SUGCT: variants seen among roughly 807,000 people sequenced by gnomAD.
SUGCT encodes succinyl-CoA:glutarate-CoA transferase.
Under a neutral mutation model 55.0 loss-of-function variants are expected in SUGCT, and 41 were observed. The ratio of observed to expected loss-of-function variants is 0.74; its 90% CI spans 0.58 to 0.97. The LOEUF (loss-of-function observed/expected upper bound fraction) is 0.97, where lower values mean the gene tolerates loss of function less well. SUGCT is among the 50% of genes least tolerant of loss of function. SUGCT has a pLI of 0.00. For synonymous variants in SUGCT, 187 were observed against 200.4 expected (o/e 0.93, Z 0.56); for missense variants, 568 against 547.8 (o/e 1.04, Z -0.37).
At chr7:40,941,765 T>C in the SUGCT span, among the ~76,000 whole-genome samples, 9 of 152,134 alleles carry the variant, frequency 5.9e-5, no homozygotes, top group Admixed American at 5.9e-4. Flanking sequence ...TAGGTGGGTA[T>C]ATATTTAGGA....
intron 11 of SUGCT, among the ~76,000 whole-genome samples, chr7:40,489,752 T>A (rs1266157950): frequency 6.6e-6 from 1 of 151,898 alleles, no homozygotes; most frequent in Non-Finnish European, 1.5e-5. Flanking sequence ...ACACACAAAC[T>A]GCTATTTTGA....
intron 9 of SUGCT, among the ~76,000 whole-genome samples, chr7:40,356,464 A>T (rs984987077): frequency 6.6e-5 from 10 of 152,196 alleles, no homozygotes; most frequent in African/African-American, 2.4e-4. Context: ...CAGGCATGGA[A>T]GTGCTGTGTA....
At chr7:40,195,143 C>CTTT in intron 6 of SUGCT, 83 bp downstream of exon 6, 4 of 1,083,878 alleles carry the variant, frequency 3.7e-6, no homozygotes, top group Non-Finnish European at 3.6e-6. Context: ...CTTTTGCTGG[C>CTTT]TTTTTTTTTT....
chr7:40,750,631 GACC>G (rs764788578), intron 13 of SUGCT, among the ~76,000 whole-genome samples: 1 of 152,112 alleles, frequency 6.6e-6, no homozygotes, highest in Admixed American at 6.6e-5. Context: ...ACCAGATAGT[GACC>G]ACTCGCGCAT....
intron 12 of SUGCT, among the ~76,000 whole-genome samples, chr7:40,500,773 AT>A (rs1212613279): frequency 6.6e-6 from 1 of 152,058 alleles, no homozygotes; most frequent in African/African-American, 2.4e-5. Flanking sequence ...TGAGCATCTT[AT>A]TTTTTAAAAA....
chr7:40,258,962 A>G (rs1210292576), intron 7 of SUGCT, among the ~76,000 whole-genome samples: 6 of 152,344 alleles, frequency 3.9e-5, no homozygotes, highest in East Asian at 3.9e-4. Flanking sequence ...TATATACGTA[A>G]TGGAATACTA....
chr7:40,200,208 T>C (rs1177502309), intron 6 of SUGCT, among the ~76,000 whole-genome samples: 1 of 152,230 alleles, frequency 6.6e-6, no homozygotes, highest in Non-Finnish European at 1.5e-5. Flanking sequence ...CTTCTGTATA[T>C]TCCTGGCTGT....
rs757432384 is a variant in SUGCT, at chr7:40,274,626, G to C, written c.690G>C (p.Leu230=). The change falls in exon 8 of 14, where the codon CTG becomes CTC. Residue 230 remains leucine, a synonymous_variant. Coordinates refer to ENST00000335693, the MANE Select transcript of SUGCT (RefSeq NM_001193313.2). Reference sequence around the variant, plus strand: ...AAAAATACAAAACTGGGAAAGGACTGTTCATTGATTGTAACCTACTGTCAT... The same window carrying C: ...AAAAATACAAAACTGGGAAAGGACTCTTCATTGATTGTAACCTACTGTCAT... ...LIQKYKTGKG[L]FIDCNLLSSQ... is the part of the protein sequence containing the mutation. 1 of 1,613,624 alleles carries C rather than the reference G, an allele frequency of 6.2e-7. No homozygotes were observed. Among genetic ancestry groups the C allele is most frequent in the South Asian group, 1.1e-5 (1 of 91,074 alleles).
At chr7:40,186,652 G>C (rs1785532287) in intron 3 of SUGCT, among the ~76,000 whole-genome samples, 1 of 152,162 alleles carries the variant, frequency 6.6e-6, no homozygotes, top group Non-Finnish European at 1.5e-5. Flanking sequence ...TCTTTTTGTA[G>C]AGTTAGCCAG....
chr7:40,876,171 A>G, the SUGCT span, among the ~76,000 whole-genome samples: 11 of 152,070 alleles, frequency 7.2e-5, no homozygotes, highest in African/African-American at 2.7e-4. Context: ...TTTAATTGCA[A>G]CCATAATACC....
the SUGCT span, among the ~76,000 whole-genome samples, chr7:40,951,165 ACTT>A: frequency 5.3e-5 from 8 of 151,948 alleles, no homozygotes; most frequent in Non-Finnish European, 1.0e-4. Flanking sequence ...CAGAGATTCA[ACTT>A]CTTCCTGGTT....
intron 9 of SUGCT, among the ~76,000 whole-genome samples, chr7:40,380,444 C>T (rs1562732256): frequency 6.6e-6 from 1 of 152,136 alleles, no homozygotes; most frequent in Non-Finnish European, 1.5e-5. Context: ...GGTCTTTACC[C>T]TGCCATTCGT....
At chr7:40,297,475 C>T (rs1009781134) in intron 8 of SUGCT, among the ~76,000 whole-genome samples, 2 of 152,102 alleles carry the variant, frequency 1.3e-5, no homozygotes, top group African/African-American at 4.8e-5. Context: ...AGGCAGAGAA[C>T]TGAGATAACA....
In SUGCT at chr7:40,226,485, A is replaced by G. The variant is rs575657083; in HGVS notation, c.485-11150A>G. Among the ~76,000 whole-genome samples, 22 of 152,304 alleles carry G rather than the reference A, an allele frequency of 1.4e-4. No individual in the cohort carries two copies. In the South Asian group the frequency reaches 1.7e-3, roughly 11 times the overall value. ...ACTGTCTGCAAAACAAAAAAACACA[A>G]AGACCAAAAACGCTAGAGAACTGGC... On this transcript the variant is annotated intron_variant, in intron 6 of 13. Transcript: ENST00000335693.
chr7:40,981,451 G>A, the SUGCT span, among the ~76,000 whole-genome samples: 2 of 152,126 alleles, frequency 1.3e-5, no homozygotes, highest in Admixed American at 6.5e-5. Flanking sequence ...TGGAGAAACT[G>A]AATGCATGAT....
At chr7:40,750,480 T>G (rs1787954815) in intron 13 of SUGCT, among the ~76,000 whole-genome samples, 1 of 152,222 alleles carries the variant, frequency 6.6e-6, no homozygotes, top group Non-Finnish European at 1.5e-5. Flanking sequence ...TGCCAAACTC[T>G]TCAGTCACCT....
At chr7:40,996,850 A>G in the SUGCT span, among the ~76,000 whole-genome samples, 1 of 152,166 alleles carries the variant, frequency 6.6e-6, no homozygotes, top group African/African-American at 2.4e-5. Flanking sequence ...ATTCTCTGTC[A>G]TTTCTCAATT....
the SUGCT span, among the ~76,000 whole-genome samples, chr7:40,931,103 C>A: frequency 6.6e-6 from 1 of 152,072 alleles, no homozygotes; most frequent in East Asian, 1.9e-4. Context: ...TCCATCCATA[C>A]CTACTTTATT....
chr7:40,496,466 A>T (rs1791982101), intron 12 of SUGCT, 80 bp downstream of exon 12: 1 of 927,594 alleles, frequency 1.1e-6, no homozygotes. Flanking sequence ...ATTGATCGCA[A>T]GCTTAAGTCA....
Sources: allele counts gnomAD v4.1 joint callset (sites outside exome capture counted in the v4.1 genomes callset), GRCh38; gene constraint gnomAD v4.1.1; transcripts MANE v1.5; gene names NCBI Gene and HGNC (gene_info 2026-07-23, HGNC 2026-07-21).